EPN2: variants seen among roughly 807,000 people sequenced by gnomAD.
EPN2 encodes the protein epsin-2.
Under a neutral mutation model 61.7 loss-of-function variants are expected in EPN2, and 34 were observed. The observed-to-expected ratio is 0.55, with a 90% CI of 0.42 to 0.73. The LOEUF (loss-of-function observed/expected upper bound fraction) is 0.73, where lower values mean the gene tolerates loss of function less well. Among genes scored for constraint, EPN2 ranks in the 30% least tolerant of loss-of-function variants. The pLI, the probability that EPN2 is intolerant of heterozygous loss-of-function variation, is 0.00. For missense variants in EPN2, 714 were observed against 839.2 expected (o/e 0.85, Z 1.84); for synonymous variants, 349 against 353.6 (o/e 0.99, Z 0.15).
At chr17:19,255,136 G>A (rs555355828) in intron 1 of EPN2, among the ~76,000 whole-genome samples, 7 of 152,260 alleles carry the variant, frequency 4.6e-5, no homozygotes, top group East Asian at 1.9e-4. Flanking sequence ...CCTGTGTCAC[G>A]TCTTTGGTGG....
chr17:19,308,262 C>A (rs970618228), intron 4 of EPN2: 2 of 650,158 alleles, frequency 3.1e-6, no homozygotes, highest in Non-Finnish European at 3.8e-6. Context: ...TTAGTAGAGA[C>A]CGGGTTTTAC....
chr17:19,272,619 C>G (rs1597985452), intron 1 of EPN2, among the ~76,000 whole-genome samples: 1 of 152,286 alleles, frequency 6.6e-6, no homozygotes, highest in Non-Finnish European at 1.5e-5. Flanking sequence ...GCCCTGATCC[C>G]TGGATTCCCA....
chr17:19,259,411 C>T (rs767301950), intron 1 of EPN2, among the ~76,000 whole-genome samples: 2 of 146,652 alleles, frequency 1.4e-5, no homozygotes, highest in Non-Finnish European at 3.0e-5. Context: ...CTCCCGGGTT[C>T]ACACCATTTT....
intron 4 of EPN2, among the ~76,000 whole-genome samples, chr17:19,299,985 G>A (rs1213248936): frequency 1.3e-5 from 2 of 152,228 alleles, no homozygotes; most frequent in South Asian, 2.1e-4. Flanking sequence ...TAAAGCTGAC[G>A]TGGCCCCTGC....
At position 19,334,142 on chromosome 17, in the gene EPN2, C is replaced by T; in HGVS notation, c.1814C>T (p.Thr605Ile). 1.2e-6 allele frequency: 2 copies of T among 1,605,204 alleles called. No individual in the cohort carries two copies. The part of the protein sequence containing the change: ...SAAPQPALGA[T>I]GSSLTPLGPA... ...GCCCCACAGCCAGCTCTGGGGGCCA[C>T]TGGTTCCTCTCTGACACCACTGGGC... Residue 605 changes from threonine to isoleucine, a missense_variant, in exon 11 of 11, where the codon ACT becomes ATT. Thr to Ile is a moderately conservative substitution (Grantham distance 89, BLOSUM62 -1). Transcript: ENST00000314728. The surrounding 1 kb of genome is among the most constrained non-coding windows in gnomAD (Gnocchi z 4.9).
At chr17:19,305,262 C>T (rs1377915694) in intron 4 of EPN2, among the ~76,000 whole-genome samples, 1 of 151,992 alleles carries the variant, frequency 6.6e-6, no homozygotes, top group Non-Finnish European at 1.5e-5. Context: ...GCTGGGACTA[C>T]AGGCACGTGC....
Position 19,335,174 on chromosome 17 carries a change from TAAA to T in EPN2, c.*928_*930del, listed in dbSNP as rs140366250. ...TTACACATAGATGATGATGTTTATT[TAAA>T]AAAAAAACAACAGCAACAAAAAATC... On this transcript the variant is annotated 3_prime_UTR_variant, in exon 11 of 11. Coordinates refer to ENST00000314728, the MANE Select transcript of EPN2 (RefSeq NM_014964.5). 3 of 345,796 alleles carry T rather than the reference TAAA, an allele frequency of 8.7e-6. No homozygotes were observed. Among genetic ancestry groups the T allele is most frequent in the Non-Finnish European group, 1.6e-5 (3 of 191,280 alleles). The allele number at this position is 345,796 out of a possible 1,614,324, so 21.4% of individuals were successfully genotyped here. A position where few individuals can be genotyped will look rare whatever the true frequency, so the allele number is the denominator to read the frequency against.
At chr17:19,278,997 A>T (rs1312934116) in intron 1 of EPN2, among the ~76,000 whole-genome samples, 1 of 152,200 alleles carries the variant, frequency 6.6e-6, no homozygotes, top group Non-Finnish European at 1.5e-5. Flanking sequence ...ACTTCAAGAA[A>T]ATAGCAGGCA....
intron 4 of EPN2, among the ~76,000 whole-genome samples, chr17:19,291,427 ATTTTTTTTTTTT>A (rs60753158): frequency 4.3e-5 from 3 of 69,838 alleles, no homozygotes; most frequent in Non-Finnish European, 7.5e-5. Flanking sequence ...TCAGCCATTC[ATTTTTTTTTTTT>A]TTTTTTTTTT....
rs763020481 is a variant in EPN2 at position 19,245,662 on chromosome 17, C to CTT, written c.-294+8146_-294+8147dup. Among the ~76,000 whole-genome samples the CTT allele has an allele frequency of 2.0e-3, 266 of 132,982 alleles. 2 individuals carry two copies. Among genetic ancestry groups the CTT allele is most frequent in the African/African-American group, 7.0e-3 (253 of 36,242 alleles). 87.2% of individuals were successfully genotyped at this position (132,982 alleles called of 152,430 possible). ...ATGTTAGCCAGGATGGTCTTGATCT[C>CTT]TTTTTTTTTTTTTTTTAAAGATGGA... is the stretch of plus-strand genomic sequence containing the variant. On this transcript the variant is annotated intron_variant, in intron 1 of 10. Transcript: ENST00000314728.
chr17:19,302,142 T>C (rs1443030281), intron 4 of EPN2, among the ~76,000 whole-genome samples: 1 of 152,236 alleles, frequency 6.6e-6, no homozygotes, highest in Non-Finnish European at 1.5e-5. Flanking sequence ...GGACAGTCAC[T>C]GCACCCCTAG....
chr17:19,291,729 C>T (rs1054644331), intron 4 of EPN2, among the ~76,000 whole-genome samples: 2 of 152,090 alleles, frequency 1.3e-5, no homozygotes, highest in African/African-American at 4.8e-5. Context: ...CGTGAGCCAT[C>T]GCGCCCGGCC....
intron 10 of EPN2, among the ~76,000 whole-genome samples, chr17:19,333,418 A>G (rs191467984): frequency 2.6e-5 from 4 of 152,344 alleles, no homozygotes; most frequent in African/African-American, 9.6e-5. Flanking sequence ...CCAGCAGCGC[A>G]CACACTTTTG....
intron 4 of EPN2, among the ~76,000 whole-genome samples, chr17:19,304,860 A>G (rs1905749043): frequency 6.6e-6 from 1 of 152,188 alleles, no homozygotes; most frequent in Admixed American, 6.5e-5. Flanking sequence ...AGGTGGTAGC[A>G]GTGCTTGGGC....
chr17:19,324,073 G>A (rs537303871), intron 7 of EPN2, among the ~76,000 whole-genome samples: 1 of 152,320 alleles, frequency 6.6e-6, no homozygotes, highest in African/African-American at 2.4e-5. Context: ...GTTGTTCCCA[G>A]CAATTGGAGA....
chr17:19,314,654 C>A (rs923498264), intron 7 of EPN2, among the ~76,000 whole-genome samples: 1 of 152,186 alleles, frequency 6.6e-6, no homozygotes, highest in African/African-American at 2.4e-5. Context: ...CCTTATACCC[C>A]CTTTGGCAGG....
At chr17:19,259,483 T>G (rs2045117321) in intron 1 of EPN2, among the ~76,000 whole-genome samples, 1 of 151,966 alleles carries the variant, frequency 6.6e-6, no homozygotes, top group Non-Finnish European at 1.5e-5. Flanking sequence ...TGGCTAACTT[T>G]TTGTATTTTT....
intron 1 of EPN2, among the ~76,000 whole-genome samples, chr17:19,256,627 G>C (rs2045082779): frequency 6.6e-6 from 1 of 152,064 alleles, no homozygotes; most frequent in African/African-American, 2.4e-5. Context: ...AGCGTCCAGT[G>C]GTTTTCGGCT....
At chr17:19,258,951 A>G (rs1386762904) in intron 1 of EPN2, among the ~76,000 whole-genome samples, 1 of 152,244 alleles carries the variant, frequency 6.6e-6, no homozygotes, top group African/African-American at 2.4e-5. Flanking sequence ...TGTGTGCCAC[A>G]TCATATTACC....
Sources: allele counts gnomAD v4.1 joint callset (sites outside exome capture counted in the v4.1 genomes callset), GRCh38; gene constraint gnomAD v4.1.1; non-coding constraint Gnocchi (gnomAD v3.1); transcripts MANE v1.5; gene names NCBI Gene and HGNC (gene_info 2026-07-23, HGNC 2026-07-21).